ZNF570: variants seen among roughly 807,000 people sequenced by gnomAD.
ZNF570 encodes zinc finger protein 570.
ZNF570 carries 8 observed loss-of-function variants against 14.2 expected under a neutral mutation model. That is an observed-to-expected ratio of 0.56 (90% confidence interval 0.33 to 1.02). ZNF570 has a LOEUF of 1.02. Among genes scored for constraint, ZNF570 ranks in the 50% least tolerant of loss-of-function variants. ZNF570 has a pLI of 0.03. For missense variants in ZNF570, 559 were observed against 624.9 expected (o/e 0.89, Z 1.12); for synonymous variants, 202 against 207.6 (o/e 0.97, Z 0.23).
chr19:37,476,039 T>G (rs2042020000), intron 3 of ZNF570, 32 bp downstream of exon 3: 1 of 1,574,092 alleles, frequency 6.4e-7, no homozygotes, highest in Non-Finnish European at 8.6e-7. Context: ...ACTGAGCTTC[T>G]GCTCAAAAGG....
At chr19:37,473,147 A>G (rs1235581039) in intron 2 of ZNF570, among the ~76,000 whole-genome samples, 3 of 152,204 alleles carry the variant, frequency 2.0e-5, no homozygotes, top group Admixed American at 6.5e-5. Context: ...GAGAGGGGAC[A>G]GTATCAAATG....
In ZNF570 at chr19:37,469,370, C is replaced by T; in HGVS notation, c.-239C>T. 1 of 1,432,506 alleles carries T rather than the reference C, an allele frequency of 7.0e-7. No individual in the cohort carries two copies. The highest frequency in any genetic ancestry group is 9.2e-7 in the Non-Finnish European group (1 of 1,090,736). The allele number at this position is 1,432,506 out of a possible 1,614,324, so 88.7% of individuals were successfully genotyped here. A position where few individuals can be genotyped will look rare whatever the true frequency, so the allele number is the denominator to read the frequency against. The stretch of plus-strand genomic sequence containing the variant: ...GCAGCTGAGGCGCTTCTTTCCGGGC[C>T]CGTAAGGGCTGGGTTCCATCCAACT... On this transcript the variant is annotated 5_prime_UTR_variant, in exon 1 of 5. Coordinates refer to ENST00000330173, the MANE Select transcript of ZNF570 (RefSeq NM_144694.5).
intron 2 of ZNF570, 63 bp downstream of exon 2, chr19:37,470,450 A>G (rs1219344740): frequency 9.2e-6 from 14 of 1,523,534 alleles, no homozygotes; most frequent in Non-Finnish European, 1.3e-5. Context: ...GCAGGTACTA[A>G]TTTTCCTTCT....
chr19:37,471,009 ATTT>A (rs764609936), intron 2 of ZNF570, among the ~76,000 whole-genome samples: 5 of 84,370 alleles, frequency 5.9e-5, no homozygotes, highest in Admixed American at 1.5e-4. Context: ...CAGTGAGTAC[ATTT>A]TTTTTTTTTT....
Position 37,485,463 on chromosome 19 carries a change from A to G in ZNF570, c.*230A>G, listed in dbSNP as rs2042145544. 5 of 417,568 alleles carry G rather than the reference A, an allele frequency of 1.2e-5. No homozygotes were observed. Among genetic ancestry groups the G allele is most frequent in the Non-Finnish European group, 2.1e-5 (5 of 240,918 alleles). The allele number at this position is 417,568 out of a possible 1,614,324, so 25.9% of individuals were successfully genotyped here. On this transcript the variant is annotated 3_prime_UTR_variant, in exon 5 of 5. Coordinates refer to ENST00000330173, the MANE Select transcript of ZNF570 (RefSeq NM_144694.5). ...TGCTGTGTTGCCCAGGCTGGAGTACAGTGGGACGATCTCAGCTCACTGCAA... is the reference window on the plus strand; with the variant it reads ...TGCTGTGTTGCCCAGGCTGGAGTACGGTGGGACGATCTCAGCTCACTGCAA...
chr19:37,481,399 C>T (rs1002871338), intron 4 of ZNF570, among the ~76,000 whole-genome samples: 6 of 152,004 alleles, frequency 3.9e-5, no homozygotes, highest in African/African-American at 1.2e-4. Flanking sequence ...GTGATCTGCC[C>T]GCCTCAGCCT....
chr19:37,477,630 C>G (rs1232939422), intron 4 of ZNF570, among the ~76,000 whole-genome samples: 2 of 152,124 alleles, frequency 1.3e-5, no homozygotes, highest in Non-Finnish European at 2.9e-5. Context: ...ACGTGAGCCA[C>G]TGCACCCAGC....
chr19:37,487,231 A>G lies in ZNF570; in HGVS notation c.*1998A>G, dbSNP rs995317045. The G allele has an allele frequency of 6.8e-6, 1 of 147,916 alleles. No homozygotes were observed. The highest frequency in any genetic ancestry group is 1.5e-5 in the Non-Finnish European group (1 of 67,122). 9.2% of individuals were successfully genotyped at this position (147,916 alleles called of 1,614,324 possible). A position where few individuals can be genotyped will look rare whatever the true frequency, so the allele number is the denominator to read the frequency against. On this transcript the variant is annotated 3_prime_UTR_variant, in exon 5 of 5. Coordinates refer to ENST00000330173, the MANE Select transcript of ZNF570 (RefSeq NM_144694.5). ...AAAAAAAAAAAAAAAAAAAAAAAGC[A>G]CTACCCCCAGCTAATTGTATGGTTA...
At position 37,471,009 on chromosome 19, in the gene ZNF570, A is replaced by ATTTTT. The variant is rs764609936; in HGVS notation, c.33+638_33+642dup. Among the ~76,000 whole-genome samples the ATTTTT allele has an allele frequency of 7.2e-4, 61 of 84,386 alleles. 1 individual carries two copies. Among genetic ancestry groups the ATTTTT allele is most frequent in the East Asian group, 1.5e-3 (4 of 2,720 alleles). The allele number at this position is 84,386 out of a possible 152,430, so 55.4% of individuals were successfully genotyped here. Reference sequence around the variant, plus strand: ...GCTACCATGCCTGGCCAGTGAGTACATTTTTTTTTTTTTTTTTTTTGTTGA... The same window carrying ATTTTT: ...GCTACCATGCCTGGCCAGTGAGTACATTTTTTTTTTTTTTTTTTTTTTTTTGTTGA... On this transcript the variant is annotated intron_variant, in intron 2 of 4. Coordinates refer to ENST00000330173, the MANE Select transcript of ZNF570 (RefSeq NM_144694.5).
At chr19:37,476,563 G>T in intron 4 of ZNF570, 129 bp downstream of exon 4, 1 of 1,322,530 alleles carries the variant, frequency 7.6e-7, no homozygotes, top group South Asian at 2.2e-5. Flanking sequence ...AAAATTTGGG[G>T]CCATTTAGGA....
In ZNF570 at chr19:37,484,839, G is replaced by T. The variant is rs139661126; in HGVS notation, c.1217G>T (p.Arg406Ile). Reference protein sequence around the residue: ...SQNSHLAQHQRIHTGEKPYKC... With the variant: ...SQNSHLAQHQIIHTGEKPYKC... ...AATTCACACCTTGCTCAACATCAGA[G>T]AATTCATACTGGAGAAAAACCTTAT... Residue 406 changes from arginine to isoleucine, a missense_variant, in exon 5 of 5, where the codon AGA (arginine) becomes ATA (isoleucine). Physicochemically the swap from Arg to Ile is moderately conservative, Grantham distance 97. Coordinates refer to ENST00000330173, the MANE Select transcript of ZNF570 (RefSeq NM_144694.5). 2.5e-6 allele frequency: 4 copies of T among 1,613,684 alleles called. No individual in the cohort carries two copies. The highest frequency in any genetic ancestry group is 2.7e-5 in the African/African-American group (2 of 74,778).
intron 2 of ZNF570, among the ~76,000 whole-genome samples, chr19:37,475,020 G>C (rs2042008133): frequency 6.7e-6 from 1 of 149,984 alleles, no homozygotes; most frequent in African/African-American, 2.5e-5. Flanking sequence ...CTGGAATGCA[G>C]TGGCACAATC....
intron 3 of ZNF570, 27 bp from the exon 4 acceptor site, chr19:37,476,312 C>T (rs7253091): frequency 0.19 from 312,755 of 1,609,182 alleles, 35,745 homozygotes; most frequent in African/African-American, 0.46. Context: ...CATGACAAAA[C>T]TCTACTTTTT....
At chr19:37,470,178 C>T (rs2041931708) in intron 1 of ZNF570, 126 bp from the exon 2 acceptor site, 7 of 765,212 alleles carry the variant, frequency 9.1e-6, no homozygotes, top group Non-Finnish European at 1.5e-5. Flanking sequence ...TCCTAGGTCT[C>T]CATTATGCTC....
At chr19:37,473,464 A>C (rs959008783) in intron 2 of ZNF570, among the ~76,000 whole-genome samples, 2 of 152,232 alleles carry the variant, frequency 1.3e-5, no homozygotes, top group East Asian at 1.9e-4. Flanking sequence ...AACAGTGAAA[A>C]AGTGGCAAAA....
chr19:37,485,275 A>G lies in ZNF570; in HGVS notation c.*42A>G, dbSNP rs367942928. ...GTTTCTAGAATTTATACTGTTTTTT[A>G]TCTTTAATGTTGTCACCTTGGTCTG... On this transcript the variant is annotated 3_prime_UTR_variant, in exon 5 of 5. Transcript: ENST00000330173. 1 of 1,493,090 alleles carries G rather than the reference A, an allele frequency of 6.7e-7. No homozygotes were observed. The highest frequency in any genetic ancestry group is 1.4e-5 in the African/African-American group (1 of 71,056). The allele number at this position is 1,493,090 out of a possible 1,614,324, so 92.5% of individuals were successfully genotyped here. A position where few individuals can be genotyped will look rare whatever the true frequency, so the allele number is the denominator to read the frequency against.
In ZNF570 at chr19:37,474,334, C is replaced by G. The variant is rs116801104; in HGVS notation, c.34-1547C>G. ...ATGTATTTATATAAGCTAAGGAAAA[C>G]ATTTTAGGAAGCATTGTTAGCAGGA... On this transcript the variant is annotated intron_variant, in intron 2 of 4. Coordinates refer to ENST00000330173, the MANE Select transcript of ZNF570 (RefSeq NM_144694.5). Among the ~76,000 whole-genome samples, 1,003 of 152,118 alleles carry G rather than the reference C, an allele frequency of 6.6e-3. 12 individuals carry two copies. The highest frequency in any genetic ancestry group is 0.023 in the African/African-American group (934 of 41,492).
intron 2 of ZNF570, among the ~76,000 whole-genome samples, chr19:37,472,769 GA>G (rs2041983236): frequency 6.8e-6 from 1 of 146,728 alleles, no homozygotes; most frequent in Admixed American, 6.8e-5. Context: ...AAGAAGGAAA[GA>G]AATGGGTGGT....
At chr19:37,476,612 TCTTA>T (rs1207140549) in intron 4 of ZNF570, 178 bp downstream of exon 4, 2 of 888,874 alleles carry the variant, frequency 2.3e-6, no homozygotes. Context: ...ATTTCCCTTC[TCTTA>T]CTTTCCTATC....
Sources: allele counts gnomAD v4.1 joint callset (sites outside exome capture counted in the v4.1 genomes callset), GRCh38; gene constraint gnomAD v4.1.1; transcripts MANE v1.5; gene names NCBI Gene and HGNC (gene_info 2026-07-23, HGNC 2026-07-21).